The following RIGI variants were observed in gnomAD, a reference collection of about 807,000 sequenced individuals.
RIGI encodes RNA sensor RIG-I.
the RIGI span, among the ~76,000 whole-genome samples, chr9:32,516,125 A>G: frequency 2.6e-5 from 4 of 152,192 alleles, no homozygotes; most frequent in Non-Finnish European, 5.9e-5. Context: ...AGGCCTCTCA[A>G]AAAGTATCAA....
chr9:32,487,461 T>C, the RIGI span: 1 of 1,613,258 alleles, frequency 6.2e-7, no homozygotes, highest in South Asian at 1.1e-5. Flanking sequence ...TGTTATTGGA[T>C]CCAACTTACA....
chr9:32,520,029 G>A, the RIGI span, among the ~76,000 whole-genome samples: 510 of 152,102 alleles, frequency 3.4e-3, 4 homozygotes, highest in Non-Finnish European at 5.3e-3. Flanking sequence ...ATTACTGTGT[G>A]CTTATTGTCA....
At chr9:32,474,917 G>A in the RIGI span, among the ~76,000 whole-genome samples, 1 of 152,004 alleles carries the variant, frequency 6.6e-6, no homozygotes, top group South Asian at 2.1e-4. Flanking sequence ...TTGTCAAGAT[G>A]TCATTCCTCC....
the RIGI span, among the ~76,000 whole-genome samples, chr9:32,494,916 A>G: frequency 6.6e-6 from 1 of 152,180 alleles, no homozygotes; most frequent in South Asian, 2.1e-4. Context: ...TTGTTGATCC[A>G]TTCATCACTG....
the RIGI span, among the ~76,000 whole-genome samples, chr9:32,505,300 G>A: frequency 6.6e-6 from 1 of 151,892 alleles, no homozygotes; most frequent in South Asian, 2.1e-4. Context: ...CATAACAATG[G>A]TTGCCTCTGC....
the RIGI span, chr9:32,481,500 G>GT: frequency 1.6e-6 from 2 of 1,251,896 alleles, no homozygotes; most frequent in Non-Finnish European, 2.1e-6. Context: ...TAAGTTTTCT[G>GT]TTAAAAAAAA....
chr9:32,493,914 T>G, the RIGI span: 1 of 1,607,292 alleles, frequency 6.2e-7, no homozygotes, highest in African/African-American at 1.3e-5. Flanking sequence ...AATCCCAACT[T>G]TCAATGGCTT....
At chr9:32,464,696 C>A in the RIGI span, among the ~76,000 whole-genome samples, 1 of 152,278 alleles carries the variant, frequency 6.6e-6, no homozygotes, top group East Asian at 1.9e-4. Context: ...CCTTTGAAAG[C>A]AAATCCTTCC....
At chr9:32,471,518 T>C in the RIGI span, among the ~76,000 whole-genome samples, 1 of 152,210 alleles carries the variant, frequency 6.6e-6, no homozygotes, top group South Asian at 2.1e-4. Flanking sequence ...GCTCACATTT[T>C]GTAGAAGAAA....
At chr9:32,501,325 C>CAAAA in the RIGI span, among the ~76,000 whole-genome samples, 15 of 121,806 alleles carry the variant, frequency 1.2e-4, no homozygotes, top group East Asian at 2.6e-4. Context: ...CCAGCCTCTA[C>CAAAA]AAAAAAAAAA....
the RIGI span, chr9:32,498,281 C>G: frequency 2.2e-6 from 1 of 456,700 alleles, no homozygotes; most frequent in Non-Finnish European, 4.4e-6. Flanking sequence ...AGTTTTTGAA[C>G]ATGGGTCCCA....
chr9:32,491,474 G>T, the RIGI span: 1 of 1,438,082 alleles, frequency 7.0e-7, no homozygotes, highest in African/African-American at 1.4e-5. Flanking sequence ...TTATAGTTTT[G>T]ATGGTGAAAG....
chr9:32,480,867 C>A, the RIGI span, among the ~76,000 whole-genome samples: 4 of 152,130 alleles, frequency 2.6e-5, no homozygotes, highest in African/African-American at 9.7e-5. Flanking sequence ...GCTGGATAAG[C>A]AGAGGTGATA....
the RIGI span, among the ~76,000 whole-genome samples, chr9:32,517,177 T>A: frequency 9.5e-4 from 144 of 152,058 alleles, no homozygotes; most frequent in Admixed American, 1.9e-3. Context: ...TGGCCCCAGG[T>A]TTCTTTGGAA....
At chr9:32,457,651 G>A in the RIGI span, among the ~76,000 whole-genome samples, 1 of 152,122 alleles carries the variant, frequency 6.6e-6, no homozygotes, top group Non-Finnish European at 1.5e-5. Context: ...AGGACACTGG[G>A]CACCTCATAA....
At chr9:32,476,612 C>A in the RIGI span, among the ~76,000 whole-genome samples, 1 of 150,010 alleles carries the variant, frequency 6.7e-6, no homozygotes, top group African/African-American at 2.4e-5. Flanking sequence ...CACACATACA[C>A]ATATATGGTT....
At chr9:32,487,701 A>G in the RIGI span, 1 of 1,563,612 alleles carries the variant, frequency 6.4e-7, no homozygotes, top group African/African-American at 1.4e-5. Context: ...CCCCTCATAT[A>G]ACTCTTTCCT....
At chr9:32,491,207 T>C in the RIGI span, 3 of 1,436,202 alleles carry the variant, frequency 2.1e-6, no homozygotes, top group Non-Finnish European at 1.9e-6. Flanking sequence ...ACAAAACTTT[T>C]CACAAGGCTG....
the RIGI span, among the ~76,000 whole-genome samples, chr9:32,463,928 C>T: frequency 4.6e-5 from 3 of 65,518 alleles, no homozygotes; most frequent in African/African-American, 1.5e-4. Flanking sequence ...TACCGTTCAT[C>T]CCTTATTCCT....
Sources: gnomAD v4.1 joint callset for allele counts (sites outside exome capture counted in the v4.1 genomes callset) on GRCh38, gnomAD v4.1.1 for gene constraint, MANE v1.5 for transcripts, NCBI Gene and HGNC (gene_info 2026-07-23, HGNC 2026-07-21) for gene names.